Variants in TTC7B observed in about 807,000 individuals in gnomAD.
TTC7B encodes the protein tetratricopeptide repeat protein 7B.
TTC7B carries 28 observed loss-of-function variants against 106.8 expected under a neutral mutation model. The observed-to-expected ratio is 0.26, with a 90% confidence interval of 0.19 to 0.36. TTC7B has a LOEUF of 0.36. Among genes scored for constraint, TTC7B ranks in the 10% least tolerant of loss-of-function variants. TTC7B has a pLI of 1.00. For synonymous variants in TTC7B, 405 were observed against 430.6 expected, an observed-to-expected ratio of 0.94 and a Z score of 0.74; for missense variants, 862 against 1,076.4, an observed-to-expected ratio of 0.80 and a Z score of 2.79.
chr14:90,581,372 G>A (rs1891484991), intron 18 of TTC7B, among the ~76,000 whole-genome samples: 1 of 152,224 alleles, frequency 6.6e-6, no homozygotes, highest in African/African-American at 2.4e-5. Flanking sequence ...GTTTGGACCA[G>A]GCAAAACCTC....
chr14:90,567,396 CT>C (rs1890843323), intron 19 of TTC7B: 1 of 152,284 alleles, frequency 6.6e-6, no homozygotes, highest in East Asian at 1.9e-4. Context: ...ACAAAGACTT[CT>C]TTCTAGTGGA....
intron 1 of TTC7B, among the ~76,000 whole-genome samples, chr14:90,786,649 G>A (rs1392519327): frequency 6.6e-6 from 1 of 151,830 alleles, no homozygotes; most frequent in Non-Finnish European, 1.5e-5. Context: ...GCACGATCTC[G>A]GCTCACCGCA....
chr14:90,797,947 A>G (rs1286337), intron 1 of TTC7B, among the ~76,000 whole-genome samples: 115,669 of 152,132 alleles, frequency 0.76, 44,176 homozygotes, highest in Middle Eastern at 0.82. Context: ...ACGAAAGGCC[A>G]TGTCTTCACG....
intron 15 of TTC7B, among the ~76,000 whole-genome samples, chr14:90,643,646 A>G (rs1039392590): frequency 2.0e-5 from 3 of 152,050 alleles, no homozygotes; most frequent in African/African-American, 4.8e-5. Flanking sequence ...GCAGGGGTAC[A>G]ATCTCCACTG....
In TTC7B at chr14:90,711,846, A is replaced by G. The variant is rs146710638; in HGVS notation, c.699-16268T>C. Among the ~76,000 whole-genome samples, 393 of 152,368 alleles carry G rather than the reference A, an allele frequency of 2.6e-3. 3 individuals are homozygous for G. Among genetic ancestry groups the G allele is most frequent in the African/African-American group, 8.9e-3 (369 of 41,588 alleles). On this transcript the variant is annotated intron_variant, in intron 5 of 19. Coordinates refer to ENST00000328459, the MANE Select transcript of TTC7B (RefSeq NM_001010854.2). Reference sequence around the variant, plus strand: ...TAGAAAGGAGGAATGAAGAATCAAAAAAGACATAAGACATACAGAAACAAA... The same window carrying G: ...TAGAAAGGAGGAATGAAGAATCAAAGAAGACATAAGACATACAGAAACAAA...
At chr14:90,706,124 A>G (rs1888198362) in intron 5 of TTC7B, among the ~76,000 whole-genome samples, 2 of 151,686 alleles carry the variant, frequency 1.3e-5, no homozygotes, top group Non-Finnish European at 2.9e-5. Context: ...GTGACATTCT[A>G]ATTCTCCCAC....
Position 90,554,581 on chromosome 14 carries a change from C to T in TTC7B, c.2311-12992G>A, listed in dbSNP as rs942846604. 3.9e-5 allele frequency among the ~76,000 whole-genome samples: 6 copies of T among 152,334 alleles called. No individual in the cohort carries two copies. In the East Asian group the frequency reaches 7.7e-4, roughly 20 times the overall value. On this transcript the variant is annotated intron_variant, in intron 19 of 19. Coordinates refer to ENST00000328459, the MANE Select transcript of TTC7B (RefSeq NM_001010854.2). ...GGGAACTCAGTGGCACAGGCTGTCACTCGAGCCACGCTCTTGCCCTCGCTC... is the reference window on the plus strand; with the variant it reads ...GGGAACTCAGTGGCACAGGCTGTCATTCGAGCCACGCTCTTGCCCTCGCTC...
At chr14:90,641,449 A>G (rs1332270480) in intron 15 of TTC7B, among the ~76,000 whole-genome samples, 2 of 152,176 alleles carry the variant, frequency 1.3e-5, no homozygotes, top group African/African-American at 4.8e-5. Context: ...AACAGATAAT[A>G]CTACATGGCA....
At chr14:90,777,341 C>T (rs576833293) in intron 3 of TTC7B, among the ~76,000 whole-genome samples, 1 of 152,312 alleles carries the variant, frequency 6.6e-6, no homozygotes, top group East Asian at 1.9e-4. Flanking sequence ...CACTGCTACG[C>T]TTCTGCATAA....
At chr14:90,613,357 C>A (rs1892947268) in intron 16 of TTC7B, among the ~76,000 whole-genome samples, 1 of 151,670 alleles carries the variant, frequency 6.6e-6, no homozygotes, top group African/African-American at 2.4e-5. Flanking sequence ...CATGCCATGG[C>A]ACTCCAGCCT....
At chr14:90,590,190 G>A (rs1033478327) in intron 18 of TTC7B, among the ~76,000 whole-genome samples, 2 of 152,172 alleles carry the variant, frequency 1.3e-5, no homozygotes, top group African/African-American at 4.8e-5. Context: ...AGAAAGTGGG[G>A]ACCTGCTGTG....
At chr14:90,722,673 C>T (rs930452157) in intron 5 of TTC7B, among the ~76,000 whole-genome samples, 1 of 152,198 alleles carries the variant, frequency 6.6e-6, no homozygotes, top group Admixed American at 6.5e-5. Context: ...CTGCTCTTAC[C>T]ACTCCACCAA....
Position 90,742,710 on chromosome 14 carries a change from AGAAAAGG to A in TTC7B, c.576+2075_576+2081del, listed in dbSNP as rs1889816975. 6.6e-6 allele frequency among the ~76,000 whole-genome samples: 1 copy of A among 152,230 alleles called. No homozygotes were observed. On this transcript the variant is annotated intron_variant, in intron 4 of 19. Transcript: ENST00000328459. The surrounding 1 kb of genome is among the most constrained non-coding windows in gnomAD (Gnocchi z 4.1). ...ATGATCACCATTTCCCCAAAATCAA[AGAAAAGG>A]ATTTCTTTTAAATCCTACGACTATA...
chr14:90,647,364 G>A (rs1053159789), intron 13 of TTC7B: 5 of 215,586 alleles, frequency 2.3e-5, no homozygotes, highest in Middle Eastern at 1.9e-3. Flanking sequence ...TGTCGTGCTG[G>A]GACGCAGTGA....
Position 90,802,080 on chromosome 14 carries a change from A to G in TTC7B, c.121+14095T>C, listed in dbSNP as rs1018647712. Among the ~76,000 whole-genome samples the G allele has an allele frequency of 3.3e-5, 5 of 152,010 alleles. No homozygotes were observed. The highest frequency in any genetic ancestry group is 1.9e-4 in the East Asian group (1 of 5,190). On this transcript the variant is annotated intron_variant, in intron 1 of 19. Transcript: ENST00000328459. This position sits in a 1 kb window ranked among gnomAD's most constrained non-coding sequence, Gnocchi z 4.7. ...TCCATCTCAGGAAGGAAAAAAAAAA[A>G]AAAGAAAGAAAGAAAGCAGCTGGAA... is the stretch of plus-strand genomic sequence containing the variant.
intron 11 of TTC7B, among the ~76,000 whole-genome samples, chr14:90,656,619 C>T (rs1885957649): frequency 6.6e-6 from 1 of 152,146 alleles, no homozygotes; most frequent in Admixed American, 6.5e-5. Flanking sequence ...GAGTAAGACC[C>T]TGTCTCTACA....
At chr14:90,701,796 GTATA>G (rs138397501) in intron 5 of TTC7B, among the ~76,000 whole-genome samples, 5,617 of 118,806 alleles carry the variant, frequency 0.047, 203 homozygotes, top group African/African-American at 0.11. Context: ...GTGTGTGTGT[GTATA>G]TATATATATA....
chr14:90,751,370 A>G (rs1890129703), intron 3 of TTC7B, among the ~76,000 whole-genome samples: 6 of 152,180 alleles, frequency 3.9e-5, no homozygotes, highest in Admixed American at 3.9e-4. Context: ...CACTTCTGAA[A>G]TGCCCTTTCT....
intron 9 of TTC7B, among the ~76,000 whole-genome samples, chr14:90,674,391 G>C (rs867791387): frequency 6.6e-6 from 1 of 152,224 alleles, no homozygotes; most frequent in South Asian, 2.1e-4. Flanking sequence ...CGTTTTAGTC[G>C]GATGATCTGA....
Sources: allele counts gnomAD v4.1 joint callset (sites outside exome capture counted in the v4.1 genomes callset), GRCh38; gene constraint gnomAD v4.1.1; non-coding constraint Gnocchi (gnomAD v3.1); transcripts MANE v1.5; gene names NCBI Gene and HGNC (gene_info 2026-07-23, HGNC 2026-07-21).